PACS1: variants seen among roughly 807,000 people sequenced by gnomAD.
The protein encoded by PACS1 is phosphofurin acidic cluster sorting protein 1, also known as PACS-1.
A neutral mutation model predicts 115.0 loss-of-function variants in PACS1; 24 were observed. The observed-to-expected ratio is 0.21, with a 90% confidence interval of 0.15 to 0.29. The LOEUF (loss-of-function observed/expected upper bound fraction) is 0.29. Ranked by LOEUF, PACS1 falls within the 10% of genes least tolerant of loss-of-function variation. PACS1 has a pLI of 1.00. For synonymous variants in PACS1, 453 were observed against 504.5 expected (o/e 0.90, Z 1.37); for missense variants, 838 against 1,251.2 (o/e 0.67, Z 4.98).
chr11:66,125,769 G>A (rs1858556356), intron 1 of PACS1, among the ~76,000 whole-genome samples: 1 of 152,210 alleles, frequency 6.6e-6, no homozygotes, highest in African/African-American at 2.4e-5. Flanking sequence ...GCCGGGCATG[G>A]TGGCTCATGC....
At chr11:66,220,236 G>A (rs1256459481) in intron 8 of PACS1, 6 of 284,488 alleles carry the variant, frequency 2.1e-5, no homozygotes, top group Non-Finnish European at 3.3e-5. Context: ...TTTTCCCTGG[G>A]CTCCGGGAGG....
At chr11:66,208,454 C>T (rs1854994614) in intron 2 of PACS1, among the ~76,000 whole-genome samples, 1 of 151,868 alleles carries the variant, frequency 6.6e-6, no homozygotes, top group Admixed American at 6.6e-5. Flanking sequence ...CCCATCTCTA[C>T]AAATAAAAAA....
chr11:66,191,613 A>C (rs563877793), intron 1 of PACS1, among the ~76,000 whole-genome samples: 2 of 152,246 alleles, frequency 1.3e-5, no homozygotes, highest in Non-Finnish European at 2.9e-5. Flanking sequence ...TCTAGGTAAA[A>C]TGATATAGAT....
intron 1 of PACS1, among the ~76,000 whole-genome samples, chr11:66,130,134 A>G (rs1362096381): frequency 6.6e-6 from 1 of 152,154 alleles, no homozygotes. Context: ...TCCTGCCCTT[A>G]AGGATGTAAC....
chr11:66,160,663 A>AT (rs58145434), intron 1 of PACS1, among the ~76,000 whole-genome samples: 4,068 of 115,898 alleles, frequency 0.035, 39 homozygotes, highest in East Asian at 0.092. Context: ...TGCCTGGCTG[A>AT]TTTTTTTTTT....
intron 1 of PACS1, among the ~76,000 whole-genome samples, chr11:66,134,182 C>T (rs573340701): frequency 1.3e-5 from 2 of 150,538 alleles, no homozygotes; most frequent in African/African-American, 4.9e-5. Flanking sequence ...CTGCTGCCCT[C>T]GACTGTTGTG....
At chr11:66,189,881 A>G (rs1209446798) in intron 1 of PACS1, among the ~76,000 whole-genome samples, 2 of 152,246 alleles carry the variant, frequency 1.3e-5, no homozygotes, top group African/African-American at 4.8e-5. Flanking sequence ...GAGCCGAGAA[A>G]CTAGGGGAAA....
intron 1 of PACS1, among the ~76,000 whole-genome samples, chr11:66,076,119 A>G (rs1270677655): frequency 6.6e-6 from 1 of 152,238 alleles, no homozygotes; most frequent in Non-Finnish European, 1.5e-5. Flanking sequence ...TATCATCTCT[A>G]TCAGGGTAAT....
chr11:66,110,419 C>T (rs987031939), intron 1 of PACS1, among the ~76,000 whole-genome samples: 5 of 152,176 alleles, frequency 3.3e-5, no homozygotes, highest in African/African-American at 1.2e-4. Context: ...TCAAGGGATC[C>T]TCCTGCCTCA....
At chr11:66,116,151 A>G (rs1000784727) in intron 1 of PACS1, among the ~76,000 whole-genome samples, 2 of 152,214 alleles carry the variant, frequency 1.3e-5, no homozygotes, top group African/African-American at 2.4e-5. Context: ...CTAATGTGCA[A>G]TTAGGTATCT....
chr11:66,079,277 G>T (rs1384604867), intron 1 of PACS1, among the ~76,000 whole-genome samples: 1 of 139,224 alleles, frequency 7.2e-6, no homozygotes, highest in Middle Eastern at 4.4e-3. Context: ...TGTTCCTCTT[G>T]GTAGGTGAGA....
intron 1 of PACS1, among the ~76,000 whole-genome samples, chr11:66,170,031 T>G (rs1461566514): frequency 6.6e-6 from 1 of 150,652 alleles, no homozygotes; most frequent in African/African-American, 2.5e-5. Flanking sequence ...TTCTCTAGCT[T>G]CCTTAATAAT....
intron 10 of PACS1, among the ~76,000 whole-genome samples, chr11:66,225,626 T>C (rs1362986943): frequency 6.6e-6 from 1 of 152,214 alleles, no homozygotes; most frequent in African/African-American, 2.4e-5. Context: ...AATTATAGCT[T>C]AATAAAGCTG....
intron 1 of PACS1, among the ~76,000 whole-genome samples, chr11:66,187,137 TAGGA>T (rs1854400188): frequency 6.6e-6 from 1 of 152,232 alleles, no homozygotes; most frequent in Non-Finnish European, 1.5e-5. Context: ...GTTTCCAGTA[TAGGA>T]CCATTGTGAG....
At chr11:66,210,513 C>T (rs1855046005) in intron 3 of PACS1, 62 bp downstream of exon 3, 4 of 1,175,212 alleles carry the variant, frequency 3.4e-6, no homozygotes, top group Non-Finnish European at 5.1e-6. Flanking sequence ...CCAGACAGTC[C>T]TCTAACCCAG....
intron 1 of PACS1, among the ~76,000 whole-genome samples, chr11:66,147,961 C>T (rs536742493): frequency 6.6e-6 from 1 of 151,994 alleles, no homozygotes; most frequent in South Asian, 2.1e-4. Context: ...TAAATATATA[C>T]ACCTTCTATA....
chr11:66,153,589 G>A (rs1252390794), intron 1 of PACS1, among the ~76,000 whole-genome samples: 1 of 152,120 alleles, frequency 6.6e-6, no homozygotes, highest in Non-Finnish European at 1.5e-5. Context: ...AGACCATCCT[G>A]GCTAACACGG....
intron 22 of PACS1, among the ~76,000 whole-genome samples, chr11:66,242,662 G>A (rs1199547483): frequency 6.6e-6 from 1 of 152,160 alleles, no homozygotes; most frequent in African/African-American, 2.4e-5. Context: ...CTGGACCAAG[G>A]TCTTCACTGA....
At chr11:66,078,843 C>T (rs751157481) in intron 1 of PACS1, among the ~76,000 whole-genome samples, 9 of 152,252 alleles carry the variant, frequency 5.9e-5, no homozygotes, top group African/African-American at 7.2e-5. Flanking sequence ...CGTAAGCCAC[C>T]GCACCCAGGC....
Sources: allele counts gnomAD v4.1 joint callset (sites outside exome capture counted in the v4.1 genomes callset), GRCh38; gene constraint gnomAD v4.1.1; transcripts MANE v1.5; gene names NCBI Gene and HGNC (gene_info 2026-07-23, HGNC 2026-07-21).